ANKRD30BL: variants seen among roughly 807,000 people sequenced by gnomAD.
ANKRD30BL encodes the protein putative ankyrin repeat domain-containing protein 30B-like.
ANKRD30BL carries 20 observed loss-of-function variants against 18.4 expected under a neutral mutation model. That is an observed-to-expected ratio of 1.09 (90% CI 0.77 to 1.58). The LOEUF is 1.58. ANKRD30BL is among the 40% of genes most tolerant of loss of function. The probability of loss-of-function intolerance (pLI) is 0.00; values close to 1 mark genes in which losing one functional copy is unlikely to be tolerated. For synonymous variants in ANKRD30BL, 72 were observed against 100.9 expected (o/e 0.71, Z 1.72); for missense variants, 224 against 268.6 (o/e 0.83, Z 1.16).
intron 1 of ANKRD30BL, among the ~76,000 whole-genome samples, chr2:132,159,477 A>G (rs930565876): frequency 3.9e-5 from 6 of 152,138 alleles, no homozygotes; most frequent in African/African-American, 1.4e-4. Context: ...GGAACACTAA[A>G]TATTGTTTTC....
rs1558915153 is a variant in ANKRD30BL at position 132,161,907 on chromosome 2, GTTAGGCACCTGAGCAGAACCT to G, written c.-223_-203del. On this transcript the variant is annotated 5_prime_UTR_variant, in exon 1 of 6. Coordinates refer to ENST00000409867, the MANE Select transcript of ANKRD30BL (RefSeq NM_001358416.1). The stretch of plus-strand genomic sequence containing the variant: ...AACCGTTAGGCAGCTGAGCAGAACC[GTTAGGCACCTGAGCAGAACCT>G]TTAGGCAGCTGAGCAGAACCGTTAG... 1.9e-6 allele frequency: 1 copy of G among 531,122 alleles called. No individual in the cohort carries two copies. The highest frequency in any genetic ancestry group is 2.1e-5 in the African/African-American group (1 of 48,504). The allele number at this position is 531,122 out of a possible 1,614,324, so 32.9% of individuals were successfully genotyped here.
intron 1 of ANKRD30BL, among the ~76,000 whole-genome samples, chr2:132,188,236 C>T (rs1286889072): frequency 1.3e-5 from 2 of 152,076 alleles, no homozygotes; most frequent in African/African-American, 4.8e-5. Flanking sequence ...GCACTCTATA[C>T]CATTGCCAAA....
chr2:132,205,531 G>C (rs557923764), intron 1 of ANKRD30BL, among the ~76,000 whole-genome samples: 1 of 151,800 alleles, frequency 6.6e-6, no homozygotes, highest in Admixed American at 6.6e-5. Flanking sequence ...AACCTGGGAG[G>C]CGGAGGTTGC....
At chr2:132,240,731 T>A (rs1034599988) in intron 1 of ANKRD30BL, among the ~76,000 whole-genome samples, 1 of 151,856 alleles carries the variant, frequency 6.6e-6, no homozygotes, top group South Asian at 2.1e-4. Flanking sequence ...CTCACAGAGT[T>A]GAACATTACC....
chr2:132,221,558 C>A (rs1679684767), intron 1 of ANKRD30BL, among the ~76,000 whole-genome samples: 2 of 134,898 alleles, frequency 1.5e-5, no homozygotes, highest in Admixed American at 7.0e-5. Context: ...GGGGTCAGCC[C>A]CCCGCCCGGC....
At chr2:132,177,294 C>A (rs1166979045) in intron 1 of ANKRD30BL, among the ~76,000 whole-genome samples, 2 of 152,054 alleles carry the variant, frequency 1.3e-5, no homozygotes, top group African/African-American at 4.8e-5. Context: ...GCTTGGACTA[C>A]AAGTGTGCAC....
chr2:132,157,072 C>A lies in ANKRD30BL; in HGVS notation c.408G>T (p.Val136=), dbSNP rs1243756246. Residue 136 remains valine (V), a synonymous_variant, in exon 3 of 6, where the codon GTG becomes GTT. Coordinates refer to ENST00000409867, the MANE Select transcript of ANKRD30BL (RefSeq NM_001358416.1). Reference sequence around the variant, plus strand: ...CATAATGGACAGCTGTGTTGCCATACACATCTACAATATTTGGATCAGCAC... The same window carrying A: ...CATAATGGACAGCTGTGTTGCCATAAACATCTACAATATTTGGATCAGCAC... ...DSGADPNIVD[V]YGNTAVHYAV... The A allele has an allele frequency of 7.0e-7, 1 of 1,419,768 alleles. No homozygotes were observed. The highest frequency in any genetic ancestry group is 9.7e-7 in the Non-Finnish European group (1 of 1,033,232). The allele number at this position is 1,419,768 out of a possible 1,614,324, so 87.9% of individuals were successfully genotyped here.
At position 132,159,399 on chromosome 2, in the gene ANKRD30BL, C is replaced by T. The variant is rs79323514; in HGVS notation, c.219-1976G>A. 1.6e-4 allele frequency among the ~76,000 whole-genome samples: 25 copies of T among 152,232 alleles called. No individual in the cohort carries two copies. The East Asian group carries it at 3.5e-3, about 21-fold the overall frequency. ...CAGTATAAATATCACTGCTCTTTATCCTCACAAACTTTGTAGATAGAAAGC... is the reference window on the plus strand; with the variant it reads ...CAGTATAAATATCACTGCTCTTTATTCTCACAAACTTTGTAGATAGAAAGC... On this transcript the variant is annotated intron_variant, in intron 1 of 5. Transcript: ENST00000409867.
At chr2:132,155,713 C>A (rs1687884487) in intron 3 of ANKRD30BL, 1 of 152,002 alleles carries the variant, frequency 6.6e-6, no homozygotes, top group Non-Finnish European at 1.5e-5. Flanking sequence ...TCGTGGTCAA[C>A]ATGGTGAAAC....
intron 1 of ANKRD30BL, among the ~76,000 whole-genome samples, chr2:132,252,354 T>C (rs1241357686): frequency 6.6e-6 from 1 of 152,140 alleles, no homozygotes; most frequent in African/African-American, 2.4e-5. Context: ...ACATGGAAGC[T>C]CCGGATGGGG....
At chr2:132,183,361 C>A (rs1335116002) in intron 1 of ANKRD30BL, among the ~76,000 whole-genome samples, 8 of 152,056 alleles carry the variant, frequency 5.3e-5, no homozygotes, top group African/African-American at 1.9e-4. Flanking sequence ...GAACTCCTGA[C>A]CTTGTGATCT....
intron 1 of ANKRD30BL, among the ~76,000 whole-genome samples, chr2:132,173,856 G>C (rs561049459): frequency 6.6e-6 from 1 of 152,240 alleles, no homozygotes; most frequent in South Asian, 2.1e-4. Context: ...ATTACTTTCA[G>C]AATGTCCTAA....
Position 132,156,968 on chromosome 2 carries a change from T to C in ANKRD30BL, c.507+5A>G, listed in dbSNP as rs755755705. 9.6e-7 allele frequency: 1 copy of C among 1,037,224 alleles called. No individual in the cohort carries two copies. The highest frequency in any genetic ancestry group is 1.4e-6 in the Non-Finnish European group (1 of 727,582). 64.3% of individuals were successfully genotyped at this position (1,037,224 alleles called of 1,614,324 possible). A position where few individuals can be genotyped will look rare whatever the true frequency, so the allele number is the denominator to read the frequency against. ...ATTTTGAAAATAACATTGGTTAATG[T>C]CTACCTTGTTCTTCACTTCGATGTC... On this transcript the variant is annotated splice_donor_5th_base_variant and intron_variant, in intron 3 of 5. Transcript: ENST00000409867.
chr2:132,186,454 A>G (rs1210590080), intron 1 of ANKRD30BL, among the ~76,000 whole-genome samples: 1 of 152,230 alleles, frequency 6.6e-6, no homozygotes, highest in South Asian at 2.1e-4. Flanking sequence ...ATGAATGTCT[A>G]GGCTTCATTA....
intron 1 of ANKRD30BL, among the ~76,000 whole-genome samples, chr2:132,191,872 G>A (rs1678858841): frequency 6.6e-6 from 1 of 151,438 alleles, no homozygotes; most frequent in Non-Finnish European, 1.5e-5. Flanking sequence ...CTCCTGAGTA[G>A]CTGGGACTAC....
At chr2:132,230,192 C>A (rs1185291952) in intron 1 of ANKRD30BL, among the ~76,000 whole-genome samples, 1 of 152,122 alleles carries the variant, frequency 6.6e-6, no homozygotes, top group East Asian at 1.9e-4. Flanking sequence ...TTGTCTTCAA[C>A]TCACAGAGTT....
chr2:132,202,558 TCTCA>T (rs1305930545), intron 1 of ANKRD30BL, among the ~76,000 whole-genome samples: 1 of 151,940 alleles, frequency 6.6e-6, no homozygotes, highest in Admixed American at 6.6e-5. Flanking sequence ...ACTTGAAAAT[TCTCA>T]CTGATATAAA....
intron 1 of ANKRD30BL, among the ~76,000 whole-genome samples, chr2:132,224,164 A>C (rs1573862372): frequency 6.6e-6 from 1 of 152,182 alleles, no homozygotes; most frequent in East Asian, 1.9e-4. Context: ...AAGCATTCTC[A>C]GAAACTTCTT....
chr2:132,198,158 CAA>C (rs1679002329), intron 1 of ANKRD30BL, among the ~76,000 whole-genome samples: 1 of 151,750 alleles, frequency 6.6e-6, no homozygotes, highest in Non-Finnish European at 1.5e-5. Context: ...AATATTTTAA[CAA>C]GAGTTATTGT....
Sources: allele counts gnomAD v4.1 joint callset (sites outside exome capture counted in the v4.1 genomes callset), GRCh38; gene constraint gnomAD v4.1.1; transcripts MANE v1.5; gene names NCBI Gene and HGNC (gene_info 2026-07-23, HGNC 2026-07-21).